Variants in EPHX2 observed in about 807,000 individuals in gnomAD.
The protein encoded by EPHX2 is bifunctional epoxide hydrolase 2.
Under a neutral mutation model 78.7 loss-of-function variants are expected in EPHX2, and 74 were observed. The observed-to-expected ratio is 0.94, with a 90% confidence interval of 0.78 to 1.14. The LOEUF is 1.14. EPHX2 is among the 50% of genes most tolerant of loss of function. EPHX2 has a pLI of 0.00. For missense variants in EPHX2, 715 were observed against 702.5 expected (o/e 1.02, Z -0.20); for synonymous variants, 251 against 255.2 (o/e 0.98, Z 0.16).
intron 5 of EPHX2, among the ~76,000 whole-genome samples, chr8:27,508,819 C>G (rs56236600): frequency 6.6e-6 from 1 of 151,988 alleles, no homozygotes; most frequent in African/African-American, 2.4e-5. Flanking sequence ...AAAATGTACA[C>G]TGTCGTGCAG....
At position 27,541,198 on chromosome 8, in the gene EPHX2, G is replaced by A. The variant is rs1409869133; in HGVS notation, c.1380-275G>A. ...GTGACACGATGACATTCCCTGGAGG[G>A]TCCTGTAGGGCCGGCTTCTTTGTGT... On this transcript the variant is annotated intron_variant, in intron 15 of 18. Transcript: ENST00000521400. Among the ~76,000 whole-genome samples the A allele has an allele frequency of 2.0e-5, 3 of 152,158 alleles. No individual in the cohort carries two copies. The East Asian group carries it at 5.8e-4, about 29-fold the overall frequency.
chr8:27,523,682 G>A (rs535005951), intron 11 of EPHX2, among the ~76,000 whole-genome samples: 5 of 152,264 alleles, frequency 3.3e-5, no homozygotes, highest in African/African-American at 1.2e-4. Context: ...TCATGGTATT[G>A]TTGTGTTCAT....
chr8:27,491,760 G>A (rs536230140), intron 1 of EPHX2, among the ~76,000 whole-genome samples: 1 of 152,292 alleles, frequency 6.6e-6, no homozygotes, highest in South Asian at 2.1e-4. Context: ...TGAGAGCTCA[G>A]GGACTTGGGA....
chr8:27,511,091 C>T (rs72475817), intron 5 of EPHX2, among the ~76,000 whole-genome samples: 10 of 152,320 alleles, frequency 6.6e-5, no homozygotes, highest in African/African-American at 2.2e-4. Context: ...ACCAGCCCCA[C>T]CAGCACCTTG....
chr8:27,500,882 G>T lies in EPHX2; in HGVS notation c.102-44G>T. On this transcript the variant is annotated intron_variant, in intron 1 of 18. Coordinates refer to ENST00000521400, the MANE Select transcript of EPHX2 (RefSeq NM_001979.6). The stretch of plus-strand genomic sequence containing the variant: ...AGTGTCTGTTTCCATGTGCTGCCAT[G>T]ACAAAATCCACAGAATGTTCCTGAT... 1.9e-6 allele frequency: 3 copies of T among 1,562,208 alleles called. No homozygotes were observed. In the South Asian group the frequency reaches 3.4e-5, roughly 18 times the overall value.
At chr8:27,518,010 AAT>A in intron 8 of EPHX2, 26 bp from the exon 9 acceptor site, 1 of 1,554,048 alleles carries the variant, frequency 6.4e-7, no homozygotes, top group Non-Finnish European at 8.8e-7. Flanking sequence ...ACGTGAATTA[AAT>A]ATGTTTCTTT....
In EPHX2 at chr8:27,522,426, C is replaced by G. The variant is rs757031001; in HGVS notation, c.976C>G (p.Leu326Val). 4 of 1,613,824 alleles carry G rather than the reference C, an allele frequency of 2.5e-6. No individual in the cohort carries two copies. The highest frequency in any genetic ancestry group is 3.4e-6 in the Non-Finnish European group (4 of 1,179,864). ...EMVTFLDKLG[L>V]SQAVFIGHDW... ...TCCCTTCTTTTTCCTTCTCTAGGGC[C>G]TCTCTCAAGCAGTGTTCATTGGCCA... The change falls in exon 11 of 19, where the codon CTC becomes GTC. Residue 326 changes from leucine to valine, a missense_variant. Physicochemically the swap from Leu to Val is conservative, Grantham distance 32. Transcript: ENST00000521400.
chr8:27,522,698 C>T (rs1300631586), intron 11 of EPHX2, among the ~76,000 whole-genome samples, 190 bp downstream of exon 11: 1 of 152,130 alleles, frequency 6.6e-6, no homozygotes, highest in African/African-American at 2.4e-5. Flanking sequence ...GTGGCTCATG[C>T]CTGTAATCCC....
At chr8:27,547,366 A>G (rs1388778132), downstream of EPHX2, among the ~76,000 whole-genome samples, 2 of 152,228 alleles carry the variant, frequency 1.3e-5, no homozygotes, top group African/African-American at 4.8e-5. Context: ...TGCCATTTTA[A>G]GTACAAATGG....
At position 27,491,273 on chromosome 8, in the gene EPHX2, T is replaced by C. The variant is rs1813366903; in HGVS notation, c.65T>C (p.Val22Ala). 6.3e-7 allele frequency: 1 copy of C among 1,578,174 alleles called. No individual in the cohort carries two copies. Among genetic ancestry groups the C allele is most frequent in the African/African-American group, 1.4e-5 (1 of 72,634 alleles). Reference protein sequence around the residue: ...GVLALPAVFGVLGRTEEALAL... With the variant: ...GVLALPAVFGALGRTEEALAL... ...CTGGCGCTGCCAGCGGTGTTCGGCG[T>C]CCTCGGCCGCACGGAGGAGGCCCTG... Residue 22 changes from valine (V) to alanine (A), a missense_variant, in exon 1 of 19, where the codon GTC (valine) becomes GCC (alanine). Physicochemically the swap from Val to Ala is moderately conservative, Grantham distance 64. Coordinates refer to ENST00000521400, the MANE Select transcript of EPHX2 (RefSeq NM_001979.6).
chr8:27,516,233 A>G lies in EPHX2; in HGVS notation c.832-87A>G, dbSNP rs939035360. ...GTGGCTCTTGGTTTGATCCATTTACAGGAAGAAGGGGATGGAGGGAAGCAA... is the reference window on the plus strand; with the variant it reads ...GTGGCTCTTGGTTTGATCCATTTACGGGAAGAAGGGGATGGAGGGAAGCAA... On this transcript the variant is annotated intron_variant, in intron 7 of 18. Coordinates refer to ENST00000521400, the MANE Select transcript of EPHX2 (RefSeq NM_001979.6). The G allele has an allele frequency of 1.2e-5, 15 of 1,303,208 alleles. No individual in the cohort carries two copies. In the African/African-American group the frequency reaches 1.8e-4, roughly 15 times the overall value. 80.7% of individuals were successfully genotyped at this position (1,303,208 alleles called of 1,614,324 possible).
chr8:27,523,387 G>C (rs1281343575), intron 11 of EPHX2, among the ~76,000 whole-genome samples: 2 of 152,202 alleles, frequency 1.3e-5, no homozygotes, highest in East Asian at 1.9e-4. Flanking sequence ...CAGATGGCAG[G>C]TTTTGGGCCC....
intron 16 of EPHX2, among the ~76,000 whole-genome samples, chr8:27,542,422 A>G (rs1196754595): frequency 1.3e-5 from 2 of 152,154 alleles, no homozygotes; most frequent in Non-Finnish European, 2.9e-5. Context: ...CCTCCCTCAC[A>G]GAGCTGTGTA....
chr8:27,521,585 T>C (rs1225791983), intron 10 of EPHX2, among the ~76,000 whole-genome samples: 1 of 152,166 alleles, frequency 6.6e-6, no homozygotes, highest in Non-Finnish European at 1.5e-5. Flanking sequence ...GCGCTGTGCC[T>C]GACACGGCAG....
At chr8:27,508,327 A>G (rs990676279) in intron 5 of EPHX2, among the ~76,000 whole-genome samples, 1 of 152,210 alleles carries the variant, frequency 6.6e-6, no homozygotes, top group Admixed American at 6.5e-5. Context: ...ACAAAAAAGT[A>G]TTGGCACTAA....
intron 12 of EPHX2, among the ~76,000 whole-genome samples, chr8:27,534,749 C>T (rs1395746178): frequency 1.3e-5 from 2 of 152,210 alleles, no homozygotes; most frequent in Non-Finnish European, 2.9e-5. Context: ...ATCTTCCTGT[C>T]CTCTGACTCT....
intron 13 of EPHX2, among the ~76,000 whole-genome samples, 154 bp downstream of exon 13, chr8:27,537,009 A>T (rs143835652): frequency 1.2e-3 from 188 of 152,252 alleles, no homozygotes; most frequent in African/African-American, 4.2e-3. Flanking sequence ...CTACTGGGAA[A>T]ATTTACATCC....
chr8:27,529,435 A>C (rs1814957886), intron 12 of EPHX2, among the ~76,000 whole-genome samples: 1 of 152,066 alleles, frequency 6.6e-6, no homozygotes. Flanking sequence ...CTCACACCCC[A>C]TTATGCCCCC....
At chr8:27,520,822 A>T (rs572716479) in intron 9 of EPHX2, 61 bp from the exon 10 acceptor site, 2 of 1,608,702 alleles carry the variant, frequency 1.2e-6, no homozygotes, top group East Asian at 2.2e-5. Context: ...TCAGCCCATC[A>T]TAAAGGCTGA....
Sources: allele counts gnomAD v4.1 joint callset (sites outside exome capture counted in the v4.1 genomes callset), GRCh38; gene constraint gnomAD v4.1.1; transcripts MANE v1.5; gene names NCBI Gene and HGNC (gene_info 2026-07-23, HGNC 2026-07-21).